The following MACROD2 variants were observed in gnomAD, a reference collection of about 807,000 sequenced individuals.
The protein encoded by MACROD2 is ADP-ribose glycohydrolase MACROD2.
Under a neutral mutation model 70.4 loss-of-function variants are expected in MACROD2, and 36 were observed. The ratio of observed to expected loss-of-function variants is 0.51; its 90% confidence interval spans 0.39 to 0.68. The LOEUF (loss-of-function observed/expected upper bound fraction) is 0.68. Among genes scored for constraint, MACROD2 ranks in the 30% least tolerant of loss-of-function variants. The probability of loss-of-function intolerance (pLI) is 0.00; values close to 1 mark genes in which losing one functional copy is unlikely to be tolerated. For missense variants in MACROD2, 496 were observed against 538.4 expected (o/e 0.92, Z 0.78); for synonymous variants, 172 against 178.8 (o/e 0.96, Z 0.30).
intron 4 of MACROD2, among the ~76,000 whole-genome samples, chr20:14,519,938 A>C (rs1555798783): frequency 2.0e-5 from 3 of 152,156 alleles, no homozygotes; most frequent in Non-Finnish European, 4.4e-5. Flanking sequence ...GTTGGAGGCC[A>C]TTATCTGTTC....
intron 8 of MACROD2, among the ~76,000 whole-genome samples, chr20:15,664,228 TAGG>T (rs1388157428): frequency 1.3e-5 from 2 of 151,966 alleles, no homozygotes; most frequent in African/African-American, 4.8e-5. Context: ...GTTAAGAAAA[TAGG>T]GGGGATGGAA....
rs2147543126 is a variant in MACROD2 at position 16,017,509 on chromosome 20, C to T, written c.1154-23692C>T. Among the ~76,000 whole-genome samples, 2 of 152,300 alleles carry T rather than the reference C, an allele frequency of 1.3e-5. 1 individual carries two copies. Among genetic ancestry groups the T allele is most frequent in the South Asian group, 4.1e-4 (2 of 4,820 alleles). ...TTTCTAGAACTAAGATGATACTGCT[C>T]ACTTACTGATTTATTTGCTTTAGAA... On this transcript the variant is annotated intron_variant, in intron 15 of 17. Transcript: ENST00000684519.
intron 9 of MACROD2, among the ~76,000 whole-genome samples, chr20:15,884,879 G>T (rs554055641): frequency 6.6e-6 from 1 of 152,218 alleles, no homozygotes; most frequent in East Asian, 1.9e-4. Context: ...CCCTCTTCCT[G>T]TAGAGAGCCA....
chr20:14,144,688 C>T (rs1209026004), intron 3 of MACROD2, among the ~76,000 whole-genome samples: 3 of 152,110 alleles, frequency 2.0e-5, no homozygotes, highest in African/African-American at 7.2e-5. Flanking sequence ...TTTACATCTC[C>T]ACACAAGAGG....
At chr20:14,855,087 G>T (rs2073240243) in intron 5 of MACROD2, among the ~76,000 whole-genome samples, 1 of 152,156 alleles carries the variant, frequency 6.6e-6, no homozygotes, top group Admixed American at 6.5e-5. Context: ...TTCCTGTAAG[G>T]TGATGGAATT....
intron 17 of MACROD2, among the ~76,000 whole-genome samples, chr20:16,048,235 A>G (rs949463878): frequency 3.9e-5 from 6 of 152,216 alleles, no homozygotes; most frequent in Admixed American, 6.5e-5. Context: ...AGTGAGAGTC[A>G]GTAGGTAAAA....
At chr20:15,869,932 C>T (rs1421048562) in intron 9 of MACROD2, among the ~76,000 whole-genome samples, 1 of 152,030 alleles carries the variant, frequency 6.6e-6, no homozygotes, top group Non-Finnish European at 1.5e-5. Flanking sequence ...ATTTTACCTT[C>T]TTAGATACAG....
chr20:14,265,509 TTTTTTACAATAAA>T (rs138886623), intron 3 of MACROD2, among the ~76,000 whole-genome samples: 2,333 of 152,234 alleles, frequency 0.015, 55 homozygotes, highest in African/African-American at 0.053. Context: ...TTTTTTCACA[TTTTTTACAATAAA>T]TTTTTACAAT....
At chr20:14,965,387 A>G (rs2122778939) in intron 5 of MACROD2, among the ~76,000 whole-genome samples, 1 of 151,706 alleles carries the variant, frequency 6.6e-6, no homozygotes, top group Non-Finnish European at 1.5e-5. Flanking sequence ...GTTTCTTAAA[A>G]TGATATTACT....
intron 3 of MACROD2, among the ~76,000 whole-genome samples, chr20:14,170,512 A>G (rs868162566): frequency 5.3e-5 from 8 of 152,190 alleles, no homozygotes; most frequent in East Asian, 1.9e-4. Flanking sequence ...ATGTTAAGGT[A>G]TGTTTCTTCT....
At chr20:15,320,313 G>A (rs1041835086) in intron 6 of MACROD2, among the ~76,000 whole-genome samples, 8 of 152,166 alleles carry the variant, frequency 5.3e-5, no homozygotes, top group Non-Finnish European at 8.8e-5. Flanking sequence ...TGACAAAAAT[G>A]TTTTGGAACT....
chr20:15,345,824 T>G (rs551755970), intron 6 of MACROD2, among the ~76,000 whole-genome samples: 4 of 152,190 alleles, frequency 2.6e-5, no homozygotes, highest in Non-Finnish European at 5.9e-5. Flanking sequence ...GAAAAGTTGC[T>G]GCTCAGAAGA....
At chr20:14,464,796 A>G (rs1283695026) in intron 3 of MACROD2, among the ~76,000 whole-genome samples, 3 of 151,928 alleles carry the variant, frequency 2.0e-5, no homozygotes, top group African/African-American at 7.3e-5. Flanking sequence ...TTATGTACCC[A>G]GTAGTCATTC....
At chr20:14,755,625 A>T (rs545591092) in intron 5 of MACROD2, among the ~76,000 whole-genome samples, 6 of 152,238 alleles carry the variant, frequency 3.9e-5, no homozygotes, top group South Asian at 2.1e-4. Flanking sequence ...AAAATTTAGT[A>T]GAAGGTGTGT....
chr20:15,158,651 C>T (rs2031758519), intron 5 of MACROD2, among the ~76,000 whole-genome samples: 1 of 152,008 alleles, frequency 6.6e-6, no homozygotes, highest in Non-Finnish European at 1.5e-5. Context: ...TGTCCTTGGC[C>T]CTTTGTCACC....
Position 15,896,175 on chromosome 20 carries a change from A to G in MACROD2, c.775+10364A>G, listed in dbSNP as rs1053228391. 3.0e-4 allele frequency among the ~76,000 whole-genome samples: 45 copies of G among 152,000 alleles called. 1 individual carries two copies. The highest frequency in any genetic ancestry group is 2.9e-3 in the Admixed American group (45 of 15,258). The stretch of plus-strand genomic sequence containing the variant: ...TGTTTTTTTAGCTTGGTCATTTCAT[A>G]TTTTTTTAGAAAGAGAAGCTCCTGG... On this transcript the variant is annotated intron_variant, in intron 10 of 17. Transcript: ENST00000684519.
intron 4 of MACROD2, among the ~76,000 whole-genome samples, chr20:14,644,031 G>A (rs1208070426): frequency 1.3e-5 from 2 of 152,120 alleles, no homozygotes; most frequent in Non-Finnish European, 2.9e-5. Context: ...AAAGTACTTA[G>A]CTTGCATATA....
At chr20:14,248,881 T>C (rs1364809858) in intron 3 of MACROD2, among the ~76,000 whole-genome samples, 4 of 152,090 alleles carry the variant, frequency 2.6e-5, no homozygotes, top group Non-Finnish European at 5.9e-5. Flanking sequence ...TTTTTCGATA[T>C]GAGATTAGAT....
At chr20:15,371,570 C>T (rs1284979438) in intron 6 of MACROD2, among the ~76,000 whole-genome samples, 1 of 152,076 alleles carries the variant, frequency 6.6e-6, no homozygotes, top group African/African-American at 2.4e-5. Flanking sequence ...TTTGTGAAAC[C>T]TCTAACAAGG....
Sources: gnomAD v4.1 joint callset for allele counts (sites outside exome capture counted in the v4.1 genomes callset) on GRCh38, gnomAD v4.1.1 for gene constraint, MANE v1.5 for transcripts, NCBI Gene and HGNC (gene_info 2026-07-23, HGNC 2026-07-21) for gene names.